Variants in PLAA observed in about 807,000 individuals in gnomAD.
PLAA encodes the protein phospholipase A2 activating protein, also known as phospholipase A-2-activating protein.
Under a neutral mutation model 84.1 loss-of-function variants are expected in PLAA, and 48 were observed. The observed-to-expected ratio is 0.57, with a 90% CI of 0.45 to 0.73. PLAA has a LOEUF of 0.73. Among genes scored for constraint, PLAA ranks in the 30% least tolerant of loss-of-function variants. The pLI is 0.00. For missense variants in PLAA, 903 were observed against 954.7 expected (o/e 0.95, Z 0.71); for synonymous variants, 392 against 336.6 (o/e 1.16, Z -1.80).
At chr9:26,909,769 G>A (rs778652899) in intron 12 of PLAA, among the ~76,000 whole-genome samples, 1 of 151,880 alleles carries the variant, frequency 6.6e-6, no homozygotes, top group African/African-American at 2.4e-5. Context: ...GATTACAGGC[G>A]CCCACCACCA....
In PLAA at chr9:26,903,537, T is replaced by C. The variant is rs1824143191; in HGVS notation, c.*1974A>G. On this transcript the variant is annotated 3_prime_UTR_variant, in exon 14 of 14. Coordinates refer to ENST00000397292, the MANE Select transcript of PLAA (RefSeq NM_001031689.3). ...GATGTTAAGAATAGTTTTCTCTAGA[T>C]AGTGGCCTTACAGGCAATTTTTATT... is the stretch of plus-strand genomic sequence containing the variant. Among the ~76,000 whole-genome samples, 1 of 152,212 alleles carries C rather than the reference T, an allele frequency of 6.6e-6. No individual in the cohort carries two copies. Among genetic ancestry groups the C allele is most frequent in the South Asian group, 2.1e-4 (1 of 4,828 alleles).
intron 1 of PLAA, among the ~76,000 whole-genome samples, chr9:26,944,984 G>A (rs532206700): frequency 1.4e-3 from 220 of 152,250 alleles, no homozygotes; most frequent in Non-Finnish European, 2.7e-3. Flanking sequence ...AAAATTAGCC[G>A]GGCATGGTGG....
chr9:26,908,281 C>T (rs1824300817), intron 12 of PLAA, among the ~76,000 whole-genome samples: 1 of 150,226 alleles, frequency 6.7e-6, no homozygotes, highest in African/African-American at 2.5e-5. Context: ...ATTCTCCTGC[C>T]TCAGCCTCCT....
chr9:26,932,363 T>C (rs776590048), intron 2 of PLAA, among the ~76,000 whole-genome samples: 17 of 152,244 alleles, frequency 1.1e-4, no homozygotes, highest in Non-Finnish European at 2.5e-4. Flanking sequence ...AGAATGTTTT[T>C]TACGTATTGA....
At position 26,905,464 on chromosome 9, in the gene PLAA, G is replaced by GA. The variant is rs1400145897; in HGVS notation, c.*46dup. ...TGTTATCAGTCATGTCAAATGTGAG[G>GA]AAAAAAACACTAATCAATTAAAAAT... On this transcript the variant is annotated 3_prime_UTR_variant, in exon 14 of 14. Transcript: ENST00000397292. The GA allele has an allele frequency of 5.9e-6, 8 of 1,345,994 alleles. No homozygotes were observed. Among genetic ancestry groups the GA allele is most frequent in the Non-Finnish European group, 6.2e-6 (6 of 971,008 alleles). The allele number at this position is 1,345,994 out of a possible 1,614,324, so 83.4% of individuals were successfully genotyped here.
chr9:26,917,165 C>T lies in PLAA; in HGVS notation c.1418G>A (p.Gly473Asp). Residue 473 changes from glycine (G) to aspartate (D), a missense_variant and splice_region_variant, in exon 10 of 14, where the codon GGT (glycine) becomes GAT (aspartate). Gly to Asp is a moderately conservative substitution (Grantham distance 94). Coordinates refer to ENST00000397292, the MANE Select transcript of PLAA (RefSeq NM_001031689.3). ...GNPSFSDPFT[G>D]GGRYVPGSSG... ...AGAGCCCGGAACATACCGACCACCA[C>T]CTGTGCATGCAAAATAAAGAAAAGG... The T allele has an allele frequency of 6.2e-7, 1 of 1,613,590 alleles. No individual in the cohort carries two copies. Among genetic ancestry groups the T allele is most frequent in the Non-Finnish European group, 8.5e-7 (1 of 1,179,634 alleles).
intron 11 of PLAA, among the ~76,000 whole-genome samples, chr9:26,910,778 C>T (rs549091015): frequency 1.3e-5 from 2 of 152,186 alleles, no homozygotes; most frequent in South Asian, 4.1e-4. Context: ...CCACCTCAGC[C>T]TCCGAAAGTG....
intron 8 of PLAA, 100 bp from the exon 9 acceptor site, chr9:26,919,629 G>C (rs1470647122): frequency 4.3e-6 from 3 of 698,346 alleles, no homozygotes; most frequent in African/African-American, 1.8e-5. Flanking sequence ...AATAATTACA[G>C]TACTTAAACT....
intron 6 of PLAA, 103 bp from the exon 7 acceptor site, chr9:26,923,450 G>T: frequency 1.2e-6 from 1 of 865,790 alleles, no homozygotes. Context: ...TTGTGAATAT[G>T]AGAAATATTA....
chr9:26,912,101 G>A (rs1053713778), intron 11 of PLAA, among the ~76,000 whole-genome samples: 1 of 152,178 alleles, frequency 6.6e-6, no homozygotes, highest in Non-Finnish European at 1.5e-5. Flanking sequence ...TGAAAGATAA[G>A]AGTAGGCGAT....
intron 1 of PLAA, among the ~76,000 whole-genome samples, chr9:26,940,367 G>T (rs530851236): frequency 1.3e-5 from 2 of 152,312 alleles, no homozygotes; most frequent in Non-Finnish European, 2.9e-5. Flanking sequence ...GAACCTTGAG[G>T]ACATTGTGCT....
In PLAA at chr9:26,917,159, C is replaced by A. The variant is rs1485563179; in HGVS notation, c.1424G>T (p.Gly475Val). The A allele has an allele frequency of 6.8e-6, 11 of 1,613,656 alleles. No individual in the cohort carries two copies. Among genetic ancestry groups the A allele is most frequent in the African/African-American group, 1.3e-5 (1 of 74,906 alleles). Residue 475 changes from glycine to valine, a missense_variant, in exon 10 of 14, where the codon GGT (glycine) becomes GTT (valine). Physicochemically the swap from Gly to Val is moderately radical, Grantham distance 109 (BLOSUM62 -3). Transcript: ENST00000397292. ...PSFSDPFTGG[G>V]RYVPGSSGSS... is the part of the protein sequence containing the mutation. Reference sequence around the variant, plus strand: ...TCCCGAAGAGCCCGGAACATACCGACCACCACCTGTGCATGCAAAATAAAG... The same window carrying A: ...TCCCGAAGAGCCCGGAACATACCGAACACCACCTGTGCATGCAAAATAAAG...
intron 1 of PLAA, among the ~76,000 whole-genome samples, chr9:26,942,773 T>C (rs1418985445): frequency 6.7e-6 from 1 of 149,766 alleles, no homozygotes; most frequent in East Asian, 2.0e-4. Context: ...TCCCAGCTAC[T>C]CGGGAGGCTA....
chr9:26,933,910 G>C (rs1249597535), intron 2 of PLAA, among the ~76,000 whole-genome samples: 1 of 151,952 alleles, frequency 6.6e-6, no homozygotes, highest in Non-Finnish European at 1.5e-5. Context: ...CTGGGCTAAA[G>C]CAATTTTCTC....
chr9:26,908,136 A>C, intron 12 of PLAA, 138 bp from the exon 13 acceptor site: 1 of 565,730 alleles, frequency 1.8e-6, no homozygotes, highest in Non-Finnish European at 3.0e-6. Flanking sequence ...ATCAAACACC[A>C]TAAAGTAAGG....
chr9:26,923,198 C>A lies in PLAA; in HGVS notation c.1019G>T (p.Arg340Met). 1 of 1,600,716 alleles carries A rather than the reference C, an allele frequency of 6.2e-7. No individual in the cohort carries two copies. Among genetic ancestry groups the A allele is most frequent in the South Asian group, 1.1e-5 (1 of 89,434 alleles). ...GDINAEQLPG[R>M]EHLNEPGTRE... ...CTTACCAGGTTCATTAAGATGTTCCCTCCCAGGAAGCTGCTCAGCATTGAT... is the reference window on the plus strand; with the variant it reads ...CTTACCAGGTTCATTAAGATGTTCCATCCCAGGAAGCTGCTCAGCATTGAT... Residue 340 changes from arginine to methionine, a missense_variant, in exon 7 of 14, where the codon AGG (arginine) becomes ATG (methionine). Arg to Met is a moderately conservative substitution (Grantham distance 91). Coordinates refer to ENST00000397292, the MANE Select transcript of PLAA (RefSeq NM_001031689.3).
intron 10 of PLAA, 64 bp downstream of exon 10, chr9:26,917,033 C>T: frequency 3.8e-6 from 5 of 1,316,644 alleles, no homozygotes; most frequent in Non-Finnish European, 5.5e-6. Flanking sequence ...AGATGTAAAG[C>T]CATGTGATGC....
chr9:26,945,301 C>A (rs1316020305), intron 1 of PLAA, among the ~76,000 whole-genome samples: 1 of 152,158 alleles, frequency 6.6e-6, no homozygotes, highest in Non-Finnish European at 1.5e-5. Context: ...TTAAAACAGG[C>A]ATCCTTGATT....
At chr9:26,909,143 G>C (rs1213380756) in intron 12 of PLAA, among the ~76,000 whole-genome samples, 1 of 151,688 alleles carries the variant, frequency 6.6e-6, no homozygotes, top group Non-Finnish European at 1.5e-5. Flanking sequence ...TTTATCTCAA[G>C]AATAAAAAAG....
Sources: gnomAD v4.1 joint callset for allele counts (sites outside exome capture counted in the v4.1 genomes callset) on GRCh38, gnomAD v4.1.1 for gene constraint, MANE v1.5 for transcripts, NCBI Gene and HGNC (gene_info 2026-07-23, HGNC 2026-07-21) for gene names.